The following VTCN1 variants were observed in gnomAD, a reference collection of about 807,000 sequenced individuals.
VTCN1 encodes V-set domain-containing T-cell activation inhibitor 1.
Under a neutral mutation model 26.5 loss-of-function variants are expected in VTCN1, and 26 were observed. The ratio of observed to expected loss-of-function variants is 0.98; its 90% CI spans 0.72 to 1.36. The LOEUF is 1.36. VTCN1 is among the 40% of genes most tolerant of loss of function. VTCN1 has a pLI of 0.00. For synonymous variants in VTCN1, 116 were observed against 130.7 expected (o/e 0.89, Z 0.77); for missense variants, 298 against 337.7 (o/e 0.88, Z 0.92).
intron 1 of VTCN1, among the ~76,000 whole-genome samples, chr1:117,202,279 G>A (rs964874139): frequency 6.6e-6 from 1 of 152,196 alleles, no homozygotes; most frequent in Non-Finnish European, 1.5e-5. Flanking sequence ...GTGGCTTCGA[G>A]TTGGGGCAGC....
chr1:117,200,750 T>TG (rs1313345820), intron 1 of VTCN1, among the ~76,000 whole-genome samples: 1 of 152,160 alleles, frequency 6.6e-6, no homozygotes, highest in Non-Finnish European at 1.5e-5. Flanking sequence ...GTCTGTTGGA[T>TG]TCCAGTGTTT....
intron 4 of VTCN1, among the ~76,000 whole-genome samples, chr1:117,151,380 C>G (rs1457080006): frequency 6.6e-6 from 1 of 152,110 alleles, no homozygotes; most frequent in African/African-American, 2.4e-5. Flanking sequence ...GCTCTTAAAG[C>G]TAGTGTGGAC....
Position 117,202,188 on chromosome 1 carries a change from A to G in VTCN1, c.32+8636T>C, listed in dbSNP as rs182363023. 2.3e-3 allele frequency among the ~76,000 whole-genome samples: 347 copies of G among 152,346 alleles called. 1 individual carries two copies. Among genetic ancestry groups the G allele is most frequent in the Middle Eastern group, 3.4e-3 (1 of 294 alleles). The stretch of plus-strand genomic sequence containing the variant: ...ATATTCTGTTCCTGAACACTTAGGT[A>G]TTTTGGCAAAAGTAGGGTCAATCAT... On this transcript the variant is annotated intron_variant, in intron 1 of 5. Coordinates refer to ENST00000369458, the MANE Select transcript of VTCN1 (RefSeq NM_024626.4).
chr1:117,143,873 G>A lies in VTCN1; in HGVS notation c.*1398C>T, dbSNP rs1169295478. The A allele has an allele frequency of 6.6e-6, 1 of 152,154 alleles. No individual in the cohort carries two copies. The highest frequency in any genetic ancestry group is 1.5e-5 in the Non-Finnish European group (1 of 68,040). 9.4% of individuals were successfully genotyped at this position (152,154 alleles called of 1,614,324 possible). A position where few individuals can be genotyped will look rare whatever the true frequency, so the allele number is the denominator to read the frequency against. On this transcript the variant is annotated 3_prime_UTR_variant, in exon 6 of 6. Transcript: ENST00000369458. ...CTTAATTTGAATTGTGGCCAGGCAGGGTCTGGAGATCTAAATTCAGAGTAA... is the reference window on the plus strand; with the variant it reads ...CTTAATTTGAATTGTGGCCAGGCAGAGTCTGGAGATCTAAATTCAGAGTAA...
intron 1 of VTCN1, among the ~76,000 whole-genome samples, chr1:117,205,703 AT>A (rs1320891577): frequency 2.0e-5 from 3 of 152,120 alleles, no homozygotes; most frequent in Non-Finnish European, 4.4e-5. Context: ...TAGAAAGGTA[AT>A]TTTTCAATAA....
rs757993734 is a variant in VTCN1, at chr1:117,156,706, C to T, written c.313G>A (p.Ala105Thr). 1.9e-6 allele frequency: 3 copies of T among 1,614,180 alleles called. No homozygotes were observed. Among genetic ancestry groups the T allele is most frequent in the Non-Finnish European group, 2.5e-6 (3 of 1,180,022 alleles). ...EMFRGRTAVF[A>T]DQVIVGNASL... ...GCATTGCCAACTATCACTTGATCAG[C>T]AAACACTGCTGTCCGGCCTCTGAAC... Residue 105 changes from alanine (A) to threonine (T), a missense_variant, in exon 3 of 6, where the codon GCT becomes ACT. Coordinates refer to ENST00000369458, the MANE Select transcript of VTCN1 (RefSeq NM_024626.4).
At chr1:117,172,018 C>T (rs1557867730) in intron 1 of VTCN1, among the ~76,000 whole-genome samples, 1 of 152,174 alleles carries the variant, frequency 6.6e-6, no homozygotes, top group Non-Finnish European at 1.5e-5. Context: ...TCCTGGGAAG[C>T]TCGCCCGTTG....
At position 117,146,669 on chromosome 1, in the gene VTCN1, T is replaced by C. The variant is rs886634245; in HGVS notation, c.*45+944A>G. 1.3e-5 allele frequency among the ~76,000 whole-genome samples: 2 copies of C among 152,012 alleles called. No individual in the cohort carries two copies. The highest frequency in any genetic ancestry group is 2.9e-5 in the Non-Finnish European group (2 of 68,010). On this transcript the variant is annotated intron_variant, in intron 5 of 5. Transcript: ENST00000369458. The surrounding 1 kb of genome is among the most constrained non-coding windows in gnomAD (Gnocchi z 4.2). ...CCAGAAAGTAATGGTAGTTAGCAGG[T>C]AGTGGTAGGCAGCAGTAGTGGTAGG...
chr1:117,181,959 G>C lies in VTCN1; in HGVS notation c.33-11788C>G, dbSNP rs557372384. ...CTTTGCAACACCCTAAAGCCACCGT[G>C]ACTGTTTTGAATTTCATTCCTTTTC... On this transcript the variant is annotated intron_variant, in intron 1 of 5. Transcript: ENST00000369458. Among the ~76,000 whole-genome samples the C allele has an allele frequency of 2.5e-4, 38 of 152,268 alleles. No individual in the cohort carries two copies. In the East Asian group the frequency reaches 5.8e-3, roughly 23 times the overall value.
In VTCN1 at chr1:117,183,066, C is replaced by T. The variant is rs544551249; in HGVS notation, c.33-12895G>A. Among the ~76,000 whole-genome samples, 3 of 152,142 alleles carry T rather than the reference C, an allele frequency of 2.0e-5. No individual in the cohort carries two copies. The highest frequency in any genetic ancestry group is 2.1e-4 in the South Asian group (1 of 4,806). On this transcript the variant is annotated intron_variant, in intron 1 of 5. Transcript: ENST00000369458. The surrounding 1 kb of genome is among the most constrained non-coding windows in gnomAD (Gnocchi z 4.1). Reference sequence around the variant, plus strand: ...AAAGTATTGATTTAAGCATAGAAAGCGAAGAAAGCATACTAAACCTGAAAG... The same window carrying T: ...AAAGTATTGATTTAAGCATAGAAAGTGAAGAAAGCATACTAAACCTGAAAG...
chr1:117,168,768 AT>A (rs1344207467), intron 2 of VTCN1, among the ~76,000 whole-genome samples: 1 of 152,148 alleles, frequency 6.6e-6, no homozygotes, highest in Non-Finnish European at 1.5e-5. Context: ...TACTTTTTTT[AT>A]TTTTAATGTA....
rs1489241673 is a variant in VTCN1, at chr1:117,159,412, A to G, written c.98-2491T>C. Among the ~76,000 whole-genome samples, 2 of 152,226 alleles carry G rather than the reference A, an allele frequency of 1.3e-5. No homozygotes were observed. The highest frequency in any genetic ancestry group is 3.8e-4 in the East Asian group (2 of 5,204). On this transcript the variant is annotated intron_variant, in intron 2 of 5. Transcript: ENST00000369458. This position sits in a 1 kb window ranked among gnomAD's most constrained non-coding sequence, Gnocchi z 4.7. ...TGATAAAACCATAAGATCTTGTGAG[A>G]CTTATTTACTACCATGAGAACAGTA...
chr1:117,187,451 A>C (rs1395288794), intron 1 of VTCN1, among the ~76,000 whole-genome samples: 2 of 152,156 alleles, frequency 1.3e-5, no homozygotes, highest in Non-Finnish European at 2.9e-5. Context: ...TGAAGTCCCC[A>C]ATGACATACA....
chr1:117,164,945 AAGG>A (rs1282831958), intron 2 of VTCN1, among the ~76,000 whole-genome samples: 1 of 152,232 alleles, frequency 6.6e-6, no homozygotes, highest in Non-Finnish European at 1.5e-5. Flanking sequence ...TAGAATTTGT[AAGG>A]AGGAGGATGG....
chr1:117,175,772 TC>T lies in VTCN1; in HGVS notation c.33-5602del, dbSNP rs59021751. ...AGATACCTATCTCTCTCTCTCTCTC[TC>T]TTTTTTTTTTTTTTTGAGATGGAGT... On this transcript the variant is annotated intron_variant, in intron 1 of 5. Transcript: ENST00000369458. The surrounding 1 kb of genome is among the most constrained non-coding windows in gnomAD (Gnocchi z 4.2). Among the ~76,000 whole-genome samples the T allele has an allele frequency of 0.58, 72,079 of 124,710 alleles. 21,124 individuals are homozygous for T. Among genetic ancestry groups the T allele is most frequent in the East Asian group, 0.89 (3,673 of 4,132 alleles). 81.8% of individuals were successfully genotyped at this position (124,710 alleles called of 152,430 possible).
chr1:117,158,536 G>T (rs1001865321), intron 2 of VTCN1, among the ~76,000 whole-genome samples: 1 of 152,124 alleles, frequency 6.6e-6, no homozygotes, highest in Non-Finnish European at 1.5e-5. Flanking sequence ...CCCTGGGCCC[G>T]GCCCACAAAA....
chr1:117,182,628 G>A (rs1025960621), intron 1 of VTCN1, among the ~76,000 whole-genome samples: 3 of 152,150 alleles, frequency 2.0e-5, no homozygotes, highest in African/African-American at 7.2e-5. Flanking sequence ...CCCTTCTGTG[G>A]TCCTGACCAT....
rs540207536 is a variant in VTCN1 at position 117,158,479 on chromosome 1, G to T, written c.98-1558C>A. On this transcript the variant is annotated intron_variant, in intron 2 of 5. Transcript: ENST00000369458. ...GACCCTTTTGGGCACAGCTGGAGCA[G>T]CTGGGATACAGGAAACCAAGTCCCT... Among the ~76,000 whole-genome samples the T allele has an allele frequency of 2.6e-5, 4 of 152,324 alleles. No homozygotes were observed. The South Asian group carries it at 8.3e-4, about 32-fold the overall frequency.
chr1:117,209,151 G>A (rs1337634321), intron 1 of VTCN1, among the ~76,000 whole-genome samples: 1 of 152,184 alleles, frequency 6.6e-6, no homozygotes, highest in Non-Finnish European at 1.5e-5. Flanking sequence ...TAGCCAACAA[G>A]GCATGCAGGA....
Sources: allele counts gnomAD v4.1 joint callset (sites outside exome capture counted in the v4.1 genomes callset), GRCh38; gene constraint gnomAD v4.1.1; non-coding constraint Gnocchi (gnomAD v3.1); transcripts MANE v1.5; gene names NCBI Gene and HGNC (gene_info 2026-07-23, HGNC 2026-07-21).